FSTL4: variants seen among roughly 807,000 people sequenced by gnomAD.
FSTL4 encodes follistatin like 4.
FSTL4 carries 28 observed loss-of-function variants against 78.2 expected under a neutral mutation model. The observed-to-expected ratio is 0.36, with a 90% CI of 0.27 to 0.49. The LOEUF (loss-of-function observed/expected upper bound fraction) is 0.49, where lower values mean the gene tolerates loss of function less well. Ranked by LOEUF, FSTL4 falls within the 20% of genes least tolerant of loss-of-function variation. The pLI, the probability that FSTL4 is intolerant of heterozygous loss-of-function variation, is 0.98. For synonymous variants in FSTL4, 422 were observed against 440.5 expected (o/e 0.96, Z 0.53); for missense variants, 922 against 1,084.9 (o/e 0.85, Z 2.11).
At chr5:133,610,515 G>T (rs1335607383) in intron 1 of FSTL4, among the ~76,000 whole-genome samples, 1 of 152,236 alleles carries the variant, frequency 6.6e-6, no homozygotes, top group Non-Finnish European at 1.5e-5. Context: ...TAGTGATGCT[G>T]CAGTGCCTCC....
At chr5:133,604,041 T>C (rs566753746) in intron 1 of FSTL4, 48 bp from the exon 2 acceptor site, 118 of 1,387,782 alleles carry the variant, frequency 8.5e-5, no homozygotes, top group South Asian at 5.1e-4. Flanking sequence ...ATGAGATGGA[T>C]ATAATAAGTC....
chr5:133,838,344 TAAAAC>T, the FSTL4 span, among the ~76,000 whole-genome samples: 1 of 152,354 alleles, frequency 6.6e-6, no homozygotes, highest in Middle Eastern at 3.4e-3. Context: ...CTTAGTGGCT[TAAAAC>T]AAAGTCAATC....
At chr5:133,306,582 C>T (rs1753662854) in intron 6 of FSTL4, among the ~76,000 whole-genome samples, 1 of 152,220 alleles carries the variant, frequency 6.6e-6, no homozygotes, top group African/African-American at 2.4e-5. Flanking sequence ...CAGGCTGATG[C>T]TTCTCTACCA....
At chr5:133,821,149 T>C in the FSTL4 span, among the ~76,000 whole-genome samples, 2 of 152,180 alleles carry the variant, frequency 1.3e-5, no homozygotes, top group South Asian at 4.1e-4. Context: ...ATTGTAAAAA[T>C]ACTGATTAAA....
rs769793145 is a variant in FSTL4 at position 133,269,794 on chromosome 5, T to G, written c.728-20218A>C. Among the ~76,000 whole-genome samples the G allele has an allele frequency of 8.5e-5, 13 of 152,230 alleles. 1 individual carries two copies. Among genetic ancestry groups the G allele is most frequent in the Admixed American group, 6.5e-4 (10 of 15,286 alleles). On this transcript the variant is annotated intron_variant, in intron 6 of 15. Transcript: ENST00000265342. ...ATCAGTGTGTCTCTCTCATCTTACA[T>G]GCTGACTGCAGACTTCACTGCAGCT... is the stretch of plus-strand genomic sequence containing the variant.
intron 3 of FSTL4, among the ~76,000 whole-genome samples, chr5:133,405,954 C>T (rs1756353700): frequency 6.6e-6 from 1 of 152,240 alleles, no homozygotes; most frequent in Admixed American, 6.5e-5. Flanking sequence ...GTGCCAGTCC[C>T]GATTCCAGGT....
the FSTL4 span, among the ~76,000 whole-genome samples, chr5:133,732,061 G>A: frequency 3.9e-5 from 6 of 152,130 alleles, no homozygotes; most frequent in Admixed American, 6.5e-5. Context: ...GCTTCCCACC[G>A]GGCACTTGGG....
intron 3 of FSTL4, among the ~76,000 whole-genome samples, chr5:133,543,266 T>C (rs1283937487): frequency 6.6e-6 from 1 of 152,066 alleles, no homozygotes; most frequent in Non-Finnish European, 1.5e-5. Context: ...TGCTCAGGCT[T>C]GTCTCCAACT....
chr5:133,701,468 A>AACAC, the FSTL4 span, among the ~76,000 whole-genome samples: 5,020 of 128,942 alleles, frequency 0.039, 138 homozygotes, highest in Admixed American at 0.066. Context: ...AAGACACAGA[A>AACAC]ACACACACAC....
chr5:133,710,059 C>T, the FSTL4 span, among the ~76,000 whole-genome samples: 1 of 152,240 alleles, frequency 6.6e-6, no homozygotes, highest in Non-Finnish European at 1.5e-5. Flanking sequence ...AGAACTGACG[C>T]TGGCATGGAT....
At chr5:133,494,933 A>G (rs1758340583) in intron 3 of FSTL4, among the ~76,000 whole-genome samples, 1 of 152,200 alleles carries the variant, frequency 6.6e-6, no homozygotes, top group African/African-American at 2.4e-5. Flanking sequence ...CAATCCTGGA[A>G]CTGTAGGTTA....
chr5:133,769,482 A>C, the FSTL4 span, among the ~76,000 whole-genome samples: 1 of 152,150 alleles, frequency 6.6e-6, no homozygotes, highest in East Asian at 1.9e-4. Context: ...CTTCCTGAAC[A>C]TGCCACTCTG....
At chr5:133,288,192 C>T (rs906599155) in intron 6 of FSTL4, among the ~76,000 whole-genome samples, 1 of 152,254 alleles carries the variant, frequency 6.6e-6, no homozygotes. Flanking sequence ...AGCCCCACCT[C>T]TTACTAACTA....
chr5:133,236,618 T>G lies in FSTL4; in HGVS notation c.895-3081A>C, dbSNP rs1469007735. On this transcript the variant is annotated intron_variant, in intron 7 of 15. Coordinates refer to ENST00000265342, the MANE Select transcript of FSTL4 (RefSeq NM_015082.2). This position sits in a 1 kb window ranked among gnomAD's most constrained non-coding sequence, Gnocchi z 5.0. The stretch of plus-strand genomic sequence containing the variant: ...GGCTTCCGGCCCACAGACTCTGCCC[T>G]GAGCCAGCCACATCACGCCCCTCAT... Among the ~76,000 whole-genome samples, 1 of 152,190 alleles carries G rather than the reference T, an allele frequency of 6.6e-6. No individual in the cohort carries two copies. Among genetic ancestry groups the G allele is most frequent in the Non-Finnish European group, 1.5e-5 (1 of 68,034 alleles).
At chr5:133,497,646 G>T (rs1439932547) in intron 3 of FSTL4, among the ~76,000 whole-genome samples, 2 of 152,124 alleles carry the variant, frequency 1.3e-5, no homozygotes, top group African/African-American at 4.8e-5. Context: ...GGCACTGGGG[G>T]ATTGGAGTCT....
intron 13 of FSTL4, among the ~76,000 whole-genome samples, chr5:133,216,717 T>A (rs4958082): frequency 0.34 from 52,285 of 152,094 alleles, 10,001 homozygotes; most frequent in Middle Eastern, 0.5. Flanking sequence ...AATCCCCTGA[T>A]GAAAGCCCTT....
chr5:133,641,791 ATTC>A, the FSTL4 span, among the ~76,000 whole-genome samples: 6 of 152,096 alleles, frequency 3.9e-5, no homozygotes, highest in East Asian at 1.9e-4. Flanking sequence ...GTAGAAGACT[ATTC>A]TTCTTTTTCT....
intron 3 of FSTL4, among the ~76,000 whole-genome samples, chr5:133,445,854 T>A (rs568316014): frequency 2.0e-5 from 3 of 152,164 alleles, no homozygotes; most frequent in African/African-American, 7.2e-5. Context: ...AAAAAGACAG[T>A]CTTCTTTAAA....
chr5:133,637,285 C>G, the FSTL4 span, among the ~76,000 whole-genome samples: 1 of 152,118 alleles, frequency 6.6e-6, no homozygotes, highest in African/African-American at 2.4e-5. Flanking sequence ...TGTCACCACT[C>G]CACTGAAACT....
Sources: allele counts gnomAD v4.1 joint callset (sites outside exome capture counted in the v4.1 genomes callset), GRCh38; gene constraint gnomAD v4.1.1; non-coding constraint Gnocchi (gnomAD v3.1); transcripts MANE v1.5; gene names NCBI Gene and HGNC (gene_info 2026-07-23, HGNC 2026-07-21).